The following CHEK1 variants were observed in gnomAD, a reference collection of about 807,000 sequenced individuals.
The protein encoded by CHEK1 is serine/threonine-protein kinase Chk1.
CHEK1 carries 32 observed loss-of-function variants against 60.2 expected under a neutral mutation model. The ratio of observed to expected loss-of-function variants is 0.53; its 90% confidence interval spans 0.40 to 0.71. CHEK1 has a LOEUF of 0.71. Among genes scored for constraint, CHEK1 ranks in the 30% least tolerant of loss-of-function variants. CHEK1 has a pLI of 0.00. For missense variants in CHEK1, 399 were observed against 564.6 expected (o/e 0.71, Z 2.97); for synonymous variants, 179 against 187.2 (o/e 0.96, Z 0.36).
At chr11:125,677,997 T>A, downstream of CHEK1, 1 of 1,613,648 alleles carries the variant, frequency 6.2e-7, no homozygotes, top group Non-Finnish European at 8.5e-7. Flanking sequence ...ACCTGAAGGC[T>A]GTTCTCCTGA....
chr11:125,626,719 A>G, intron 1 of CHEK1, 30 bp from the exon 2 acceptor site: 1 of 1,605,216 alleles, frequency 6.2e-7, no homozygotes, highest in Non-Finnish European at 8.5e-7. Context: ...CTTACACTCT[A>G]CATCTTTTCT....
At chr11:125,662,250 CT>C (rs1942030948) in intron 13 of CHEK1, among the ~76,000 whole-genome samples, 1 of 152,190 alleles carries the variant, frequency 6.6e-6, no homozygotes, top group Non-Finnish European at 1.5e-5. Context: ...TGGTGAGGGC[CT>C]CTTCCCCATA....
In CHEK1 at chr11:125,626,740, CT is replaced by C; in HGVS notation, c.-20-5del. 1.9e-6 allele frequency: 3 copies of C among 1,613,772 alleles called. No individual in the cohort carries two copies. Among genetic ancestry groups the C allele is most frequent in the Non-Finnish European group, 2.5e-6 (3 of 1,179,746 alleles). ...CTCTACATCTTTTCTGGATTCCTGC[CT>C]TTTACAGCCGAGGTGCTCGGTGGAG... On this transcript the variant is annotated splice_polypyrimidine_tract_variant and splice_region_variant and intron_variant, in intron 1 of 12. Transcript: ENST00000438015.
Position 125,655,888 on chromosome 11 carries a change from T to C in CHEK1, c.*568T>C, listed in dbSNP as rs1464426378. ...TATAATGATTAATTAAAATTGCAAG[T>C]AGGTGTTTTTTCCAGTGTAGTTAGT... is the stretch of plus-strand genomic sequence containing the variant. On this transcript the variant is annotated 3_prime_UTR_variant, in exon 13 of 13. Transcript: ENST00000438015. 5 of 210,246 alleles carry C rather than the reference T, an allele frequency of 2.4e-5. No homozygotes were observed. The South Asian group carries it at 9.4e-4, about 39-fold the overall frequency. 13.0% of individuals were successfully genotyped at this position (210,246 alleles called of 1,614,324 possible). A position where few individuals can be genotyped will look rare whatever the true frequency, so the allele number is the denominator to read the frequency against.
chr11:125,672,745 G>A, intron 13 of CHEK1: 2 of 1,612,726 alleles, frequency 1.2e-6, no homozygotes, highest in East Asian at 2.2e-5. Context: ...AGACTAGTGA[G>A]CAGAAAGCTT....
intron 13 of CHEK1, among the ~76,000 whole-genome samples, chr11:125,674,845 T>A (rs1443014917): frequency 6.6e-6 from 1 of 152,248 alleles, no homozygotes; most frequent in Non-Finnish European, 1.5e-5. Flanking sequence ...TAACTGACAC[T>A]GAAGCTCTTG....
At chr11:125,657,796 T>TA (rs1383711187), downstream of CHEK1, among the ~76,000 whole-genome samples, 1 of 152,234 alleles carries the variant, frequency 6.6e-6, no homozygotes, top group Non-Finnish European at 1.5e-5. Flanking sequence ...GACATTCTTG[T>TA]ACATGTTCAT....
At chr11:125,636,060 A>G (rs1245650629) in intron 7 of CHEK1, 2 of 152,164 alleles carry the variant, frequency 1.3e-5, no homozygotes, top group Non-Finnish European at 2.9e-5. Flanking sequence ...GTATCTAAGT[A>G]TAGAAAAAGT....
intron 2 of CHEK1, 58 bp downstream of exon 2, chr11:125,626,891 T>C: frequency 6.5e-7 from 1 of 1,543,702 alleles, no homozygotes; most frequent in Non-Finnish European, 9.0e-7. Flanking sequence ...TTTTGGAGTC[T>C]CACACTCTGG....
At chr11:125,678,079 T>C, downstream of CHEK1, 1 of 1,614,204 alleles carries the variant, frequency 6.2e-7, no homozygotes, top group Middle Eastern at 1.7e-4. Context: ...GCATGCTCAC[T>C]CTCAGCATGT....
intron 13 of CHEK1, among the ~76,000 whole-genome samples, chr11:125,669,467 T>G (rs561676005): frequency 7.7e-4 from 117 of 152,192 alleles, no homozygotes; most frequent in African/African-American, 2.6e-3. Context: ...CTCTTTGAAT[T>G]TCAGTAATTT....
In CHEK1 at chr11:125,625,453, C is replaced by G; in HGVS notation, c.-580C>G. 1 of 339,626 alleles carries G rather than the reference C, an allele frequency of 2.9e-6. No homozygotes were observed. 21.0% of individuals were successfully genotyped at this position (339,626 alleles called of 1,614,324 possible). ...CCATTTCTTCACAGTCGGCTCTCAG[C>G]AGCTGCTGCTGGTTTCTCGGCTCCA... On this transcript the variant is annotated 5_prime_UTR_variant, in exon 1 of 13. Transcript: ENST00000438015.
Position 125,656,484 on chromosome 11 carries a change from T to C in CHEK1, c.*1164T>C, listed in dbSNP as rs1941905540. The C allele has an allele frequency of 9.3e-6, 2 of 216,008 alleles. No homozygotes were observed. 13.4% of individuals were successfully genotyped at this position (216,008 alleles called of 1,614,324 possible). A position where few individuals can be genotyped will look rare whatever the true frequency, so the allele number is the denominator to read the frequency against. On this transcript the variant is annotated 3_prime_UTR_variant, in exon 13 of 13. Coordinates refer to ENST00000438015, the MANE Select transcript of CHEK1 (RefSeq NM_001114122.3). Reference sequence around the variant, plus strand: ...ATACTGGCAAATTGTGTTACTGGAGTATACCCATAGGAGGAATAAATTCAA... The same window carrying C: ...ATACTGGCAAATTGTGTTACTGGAGCATACCCATAGGAGGAATAAATTCAA...
chr11:125,672,285 C>T (rs1942223910), intron 13 of CHEK1: 1 of 246,780 alleles, frequency 4.1e-6, no homozygotes, highest in African/African-American at 2.3e-5. Flanking sequence ...CTCATGTTGA[C>T]CCTGCAACTA....
At chr11:125,640,408 G>A (rs1346503090) in intron 8 of CHEK1, among the ~76,000 whole-genome samples, 1 of 152,190 alleles carries the variant, frequency 6.6e-6, no homozygotes, top group African/African-American at 2.4e-5. Context: ...GGGCGAGGTG[G>A]CGGTCGCCTG....
At chr11:125,680,237 G>C (rs1942735798), downstream of CHEK1, among the ~76,000 whole-genome samples, 1 of 152,228 alleles carries the variant, frequency 6.6e-6, no homozygotes, top group Non-Finnish European at 1.5e-5. Flanking sequence ...CCCAAAAGAA[G>C]AGATGATACA....
At chr11:125,659,191 G>A (rs1029617976), downstream of CHEK1, among the ~76,000 whole-genome samples, 6 of 151,266 alleles carry the variant, frequency 4.0e-5, no homozygotes, top group Admixed American at 1.3e-4. Context: ...TTTATACTTT[G>A]TATTGAATCA....
chr11:125,653,991 T>C lies in CHEK1; in HGVS notation c.1335+144T>C. 1 of 522,174 alleles carries C rather than the reference T, an allele frequency of 1.9e-6. No individual in the cohort carries two copies. The highest frequency in any genetic ancestry group is 3.3e-6 in the Non-Finnish European group (1 of 301,710). The allele number at this position is 522,174 out of a possible 1,614,324, so 32.3% of individuals were successfully genotyped here. On this transcript the variant is annotated intron_variant, in intron 12 of 12. Coordinates refer to ENST00000438015, the MANE Select transcript of CHEK1 (RefSeq NM_001114122.3). The surrounding 1 kb of genome is among the most constrained non-coding windows in gnomAD (Gnocchi z 4.3). ...ATATTATGAGCATGTGTTTTCGTTA[T>C]CTATTTTTCCCGAACATTGTTTTTT... is the stretch of plus-strand genomic sequence containing the variant.
downstream of CHEK1, among the ~76,000 whole-genome samples, chr11:125,679,399 G>T (rs1942695649): frequency 6.6e-6 from 1 of 151,750 alleles, no homozygotes; most frequent in Non-Finnish European, 1.5e-5. Context: ...TGTATTTTTA[G>T]TAGAGACAGG....
Sources: gnomAD v4.1 joint callset for allele counts (sites outside exome capture counted in the v4.1 genomes callset) on GRCh38, gnomAD v4.1.1 for gene constraint, Gnocchi (gnomAD v3.1) non-coding constraint, MANE v1.5 for transcripts, NCBI Gene and HGNC (gene_info 2026-07-23, HGNC 2026-07-21) for gene names.